CDC6: variants seen among roughly 807,000 people sequenced by gnomAD.
The protein encoded by CDC6 is DNA replication factor CDC6.
Under a neutral mutation model 60.2 loss-of-function variants are expected in CDC6, and 46 were observed. That is an observed-to-expected ratio of 0.76 (90% CI 0.60 to 0.98). The LOEUF is 0.98. Among genes scored for constraint, CDC6 ranks in the 50% least tolerant of loss-of-function variants. CDC6 has a pLI of 0.00. For synonymous variants in CDC6, 210 were observed against 233.2 expected (o/e 0.90, Z 0.90); for missense variants, 596 against 652.9 (o/e 0.91, Z 0.95).
In CDC6 at chr17:40,295,351, T is replaced by A. The variant is rs1282974287; in HGVS notation, c.1084-5T>A. On this transcript the variant is annotated splice_polypyrimidine_tract_variant and splice_region_variant and intron_variant, in intron 7 of 11. Coordinates refer to ENST00000209728, the MANE Select transcript of CDC6 (RefSeq NM_001254.4). ...AAACTGTCATCTTCTATGTCTTGTC[T>A]GAAGGTATCTAGAGATCAGGTTCTG... 6.3e-7 allele frequency: 1 copy of A among 1,586,288 alleles called. No individual in the cohort carries two copies. The highest frequency in any genetic ancestry group is 1.3e-5 in the African/African-American group (1 of 74,392).
intron 9 of CDC6, among the ~76,000 whole-genome samples, chr17:40,299,330 A>T: frequency 6.6e-6 from 1 of 150,592 alleles, no homozygotes; most frequent in Non-Finnish European, 1.5e-5. Flanking sequence ...TTGTATTTTT[A>T]GTAGCGATGG....
chr17:40,295,442 A>C lies in CDC6; in HGVS notation c.1170A>C (p.Ala390=). The C allele has an allele frequency of 6.2e-7, 1 of 1,609,216 alleles. No individual in the cohort carries two copies. The highest frequency in any genetic ancestry group is 8.5e-7 in the Non-Finnish European group (1 of 1,175,610). ...VSAVSGDVRK[A]LDVCRRAIEI... Reference sequence around the variant, plus strand: ...CTGTTTCAGGAGATGTTCGCAAAGCACTGGATGTTTGCAGGTGAGTTACGG... The same window carrying C: ...CTGTTTCAGGAGATGTTCGCAAAGCCCTGGATGTTTGCAGGTGAGTTACGG... Residue 390 remains alanine (A), a synonymous_variant, in exon 8 of 12, where the codon GCA becomes GCC. Transcript: ENST00000209728.
chr17:40,290,918 T>C, intron 2 of CDC6, 140 bp from the exon 3 acceptor site: 1 of 817,160 alleles, frequency 1.2e-6, no homozygotes, highest in Non-Finnish European at 2.1e-6. Flanking sequence ...CAATATTTGC[T>C]GCTAAGTGAG....
chr17:40,291,318 G>T lies in CDC6; in HGVS notation c.439G>T (p.Val147Leu), dbSNP rs148004022. The T allele has an allele frequency of 1.3e-4, 216 of 1,614,090 alleles. No individual in the cohort carries two copies. Among genetic ancestry groups the T allele is most frequent in the Non-Finnish European group, 1.8e-4 (212 of 1,180,032 alleles). ...TCCACTGAAGAAAGAATCTGCATGT[G>T]TGAGACTATTCAAGCAAGAAGGTTT... is the stretch of plus-strand genomic sequence containing the variant. ...RCPLKKESAC[V>L]RLFKQEGTCY... Residue 147 changes from valine to leucine, a missense_variant, in exon 3 of 12, where the codon GTG becomes TTG. Val to Leu is a conservative substitution (Grantham distance 32). Transcript: ENST00000209728.
intron 2 of CDC6, among the ~76,000 whole-genome samples, chr17:40,290,537 A>T (rs909543469): frequency 1.3e-5 from 2 of 152,182 alleles, no homozygotes. Context: ...ACTAAAACCC[A>T]TTTGGTTTCT....
chr17:40,295,575 G>T (rs552746131), intron 8 of CDC6, 119 bp downstream of exon 8: 1 of 718,416 alleles, frequency 1.4e-6, no homozygotes, highest in African/African-American at 1.8e-5. Flanking sequence ...ACTTTTTTAC[G>T]CTCAGAAAGG....
At chr17:40,289,671 T>C in intron 2 of CDC6, 73 bp downstream of exon 2, 1 of 1,182,792 alleles carries the variant, frequency 8.5e-7, no homozygotes, top group Non-Finnish European at 1.3e-6. Context: ...TGTGTGTCCT[T>C]TGAAGGAGCT....
intron 7 of CDC6, among the ~76,000 whole-genome samples, 166 bp downstream of exon 7, chr17:40,294,669 A>G (rs1377272401): frequency 6.6e-6 from 1 of 151,022 alleles, no homozygotes; most frequent in South Asian, 2.1e-4. Flanking sequence ...AGCTTCATTC[A>G]TTTACTGGGT....
At chr17:40,295,048 T>G (rs1327750877) in intron 7 of CDC6, among the ~76,000 whole-genome samples, 2 of 152,166 alleles carry the variant, frequency 1.3e-5, no homozygotes, top group Non-Finnish European at 2.9e-5. Flanking sequence ...TTAATGACCT[T>G]TAAAAAATAG....
chr17:40,293,263 A>T (rs771111387), intron 4 of CDC6, among the ~76,000 whole-genome samples, 193 bp from the exon 5 acceptor site: 51 of 152,166 alleles, frequency 3.4e-4, no homozygotes, highest in Non-Finnish European at 6.9e-4. Context: ...GAAAGAAAGA[A>T]AAGAAAGAGT....
chr17:40,291,417 T>G, intron 3 of CDC6, 52 bp from the exon 4 acceptor site: 2 of 1,611,630 alleles, frequency 1.2e-6, no homozygotes, highest in Non-Finnish European at 1.7e-6. Context: ...ACCCACTGGG[T>G]CTTCTCATTC....
rs1315128303 is a variant in CDC6 at position 40,304,616 on chromosome 17, T to C, written c.*2615T>C. 6.6e-6 allele frequency: 1 copy of C among 152,212 alleles called. No homozygotes were observed. Among genetic ancestry groups the C allele is most frequent in the African/African-American group, 2.4e-5 (1 of 41,444 alleles). The allele number at this position is 152,212 out of a possible 1,614,324, so 9.4% of individuals were successfully genotyped here. A position where few individuals can be genotyped will look rare whatever the true frequency, so the allele number is the denominator to read the frequency against. ...TTCCATAGAGTGTTGGGTGTTGCCA[T>C]GGAAAGAGCATAGACAAAATAAATT... On this transcript the variant is annotated 3_prime_UTR_variant, in exon 12 of 12. Coordinates refer to ENST00000209728, the MANE Select transcript of CDC6 (RefSeq NM_001254.4).
chr17:40,295,969 G>A (rs4135017), intron 8 of CDC6, among the ~76,000 whole-genome samples: 10 of 151,942 alleles, frequency 6.6e-5, no homozygotes, highest in Admixed American at 5.9e-4. Flanking sequence ...TTCCTTCCCA[G>A]TAGGGACACT....
intron 4 of CDC6, among the ~76,000 whole-genome samples, chr17:40,292,491 C>T (rs769433728): frequency 5.7e-4 from 86 of 151,846 alleles, no homozygotes; most frequent in Middle Eastern, 3.4e-3. Flanking sequence ...AAAAATTAGC[C>T]GGGCATGGTG....
At chr17:40,301,446 G>A (rs987164210) in intron 10 of CDC6, 22 bp from the exon 11 acceptor site, 5 of 1,613,458 alleles carry the variant, frequency 3.1e-6, no homozygotes, top group Non-Finnish European at 4.2e-6. Flanking sequence ...AGCAGCGTTT[G>A]TTCTCCCTTG....
In CDC6 at chr17:40,295,189, A is replaced by C. The variant is rs927241228; in HGVS notation, c.1084-167A>C. On this transcript the variant is annotated intron_variant, in intron 7 of 11. Transcript: ENST00000209728. The stretch of plus-strand genomic sequence containing the variant: ...CGTACAAAAAGCTTAAATGTGTGAA[A>C]ACTCTCAAACGTCTCCATTATTTAT... Among the ~76,000 whole-genome samples the C allele has an allele frequency of 4.6e-5, 7 of 152,316 alleles. No individual in the cohort carries two copies. In the Middle Eastern group the frequency reaches 0.01, roughly 222 times the overall value.
At chr17:40,296,940 T>A (rs1042814166) in intron 9 of CDC6, among the ~76,000 whole-genome samples, 173 bp downstream of exon 9, 1 of 152,202 alleles carries the variant, frequency 6.6e-6, no homozygotes. Context: ...CTGCCAGTAC[T>A]ATAGTTCGTG....
rs1232910840 is a variant in CDC6, at chr17:40,289,510, T to C, written c.90T>C (p.Ser30=). The part of the protein sequence containing the change: ...SRALNKAKNS[S]DAKLEPTNVQ... ...CATTGAACAAAGCTAAAAACTCCAGTGATGCCAAACTAGAACCAACAAATG... is the reference window on the plus strand; with the variant it reads ...CATTGAACAAAGCTAAAAACTCCAGCGATGCCAAACTAGAACCAACAAATG... Residue 30 remains serine (S), a synonymous_variant, in exon 2 of 12, where the codon AGT becomes AGC. Coordinates refer to ENST00000209728, the MANE Select transcript of CDC6 (RefSeq NM_001254.4). The C allele has an allele frequency of 1.2e-6, 2 of 1,614,022 alleles. No homozygotes were observed. The highest frequency in any genetic ancestry group is 1.3e-5 in the African/African-American group (1 of 75,016).
rs150216678 is a variant in CDC6, at chr17:40,293,365, T to A, written c.661-91T>A. On this transcript the variant is annotated intron_variant, in intron 4 of 11. Coordinates refer to ENST00000209728, the MANE Select transcript of CDC6 (RefSeq NM_001254.4). ...CAAATGAAAGTAGAGCTTCCTTACG[T>A]GCTGTTAGCTCTTCAAAGACATTTT... 45 of 876,860 alleles carry A rather than the reference T, an allele frequency of 5.1e-5. No individual in the cohort carries two copies. The Admixed American group carries it at 7.9e-4, about 15-fold the overall frequency. 54.3% of individuals were successfully genotyped at this position (876,860 alleles called of 1,614,324 possible).
Sources: allele counts gnomAD v4.1 joint callset (sites outside exome capture counted in the v4.1 genomes callset), GRCh38; gene constraint gnomAD v4.1.1; transcripts MANE v1.5; gene names NCBI Gene and HGNC (gene_info 2026-07-23, HGNC 2026-07-21).